Variants in CSNK1D observed in about 807,000 individuals in gnomAD.
CSNK1D encodes the protein casein kinase 1 delta, also known as casein kinase I isoform delta.
In CSNK1D, 16 loss-of-function variants were observed where a neutral mutation model predicts 46.6. The observed-to-expected ratio is 0.34, with a 90% CI of 0.23 to 0.52. The LOEUF is 0.52. Ranked by LOEUF, CSNK1D falls within the 20% of genes least tolerant of loss-of-function variation. The pLI is 0.95. For missense variants in CSNK1D, 398 were observed against 578.4 expected (o/e 0.69, Z 3.20); for synonymous variants, 276 against 228.2 (o/e 1.21, Z -1.89).
chr17:82,245,285 AGGAGCCGCCGAGCGCGC>A (rs2050821289), intron 8 of CSNK1D: 1 of 301,292 alleles, frequency 3.3e-6, no homozygotes, highest in South Asian at 3.2e-5. Context: ...CCCTGCTGGA[AGGAGCCGCCGAGCGCGC>A]GTGGCCGCCG....
At position 82,251,918 on chromosome 17, in the gene CSNK1D, C is replaced by T. The variant is rs2051021351; in HGVS notation, c.737-391G>A. ...CTGACGCAGGAGAATGGTATGAACC[C>T]GGGAGGCGGAGCTTGCAGTGAGCCG... is the stretch of plus-strand genomic sequence containing the variant. On this transcript the variant is annotated intron_variant, in intron 5 of 8. Coordinates refer to ENST00000314028, the MANE Select transcript of CSNK1D (RefSeq NM_001893.6). The surrounding 1 kb of genome is among the most constrained non-coding windows in gnomAD (Gnocchi z 4.5). The T allele has an allele frequency of 1.2e-5, 4 of 329,386 alleles. No homozygotes were observed. Among genetic ancestry groups the T allele is most frequent in the South Asian group, 1.0e-4 (4 of 38,538 alleles). The allele number at this position is 329,386 out of a possible 1,614,324, so 20.4% of individuals were successfully genotyped here.
intron 1 of CSNK1D, among the ~76,000 whole-genome samples, chr17:82,267,419 C>T (rs370792943): frequency 4.6e-5 from 7 of 152,186 alleles, no homozygotes; most frequent in Admixed American, 2.0e-4. Flanking sequence ...GGAAGCCCCT[C>T]GTCTGCCCAG....
downstream of CSNK1D, among the ~76,000 whole-genome samples, chr17:82,240,990 C>T (rs1433477242): frequency 6.6e-6 from 1 of 152,182 alleles, no homozygotes; most frequent in African/African-American, 2.4e-5. Context: ...GGGCAGAGGT[C>T]TGGTGCGTGG....
chr17:82,253,520 C>T (rs2051069126), intron 3 of CSNK1D: 1 of 459,144 alleles, frequency 2.2e-6, no homozygotes, highest in African/African-American at 2.0e-5. Context: ...CAACCCGCCA[C>T]TAGACATCGG....
chr17:82,240,102 C>T (rs1031459685), downstream of CSNK1D: 72 of 1,225,560 alleles, frequency 5.9e-5, no homozygotes, highest in Non-Finnish European at 7.2e-5. Flanking sequence ...ATCTCAGGTC[C>T]AGCTGTCCCC....
intron 8 of CSNK1D, chr17:82,247,932 G>C (rs978183889): frequency 5.1e-6 from 5 of 985,370 alleles, no homozygotes; most frequent in African/African-American, 1.7e-5. Context: ...AAGTGGTCAA[G>C]AGTGCTCCCC....
rs752261109 is a variant in CSNK1D, at chr17:82,247,342, G to A, written c.1197+1533C>T. 7 of 985,442 alleles carry A rather than the reference G, an allele frequency of 7.1e-6. No individual in the cohort carries two copies. The South Asian group carries it at 1.4e-4, about 20-fold the overall frequency. The allele number at this position is 985,442 out of a possible 1,614,324, so 61.0% of individuals were successfully genotyped here. On this transcript the variant is annotated intron_variant, in intron 8 of 8. Coordinates refer to ENST00000314028, the MANE Select transcript of CSNK1D (RefSeq NM_001893.6). ...CCAGGTGCCGCCAAGGCCGTGTACCGAGAAAAGGCAGCTGGACTCAGGGCT... is the reference window on the plus strand; with the variant it reads ...CCAGGTGCCGCCAAGGCCGTGTACCAAGAAAAGGCAGCTGGACTCAGGGCT...
At chr17:82,247,962 T>G (rs4580247) in intron 8 of CSNK1D, 1 of 985,384 alleles carries the variant, frequency 1.0e-6, no homozygotes, top group South Asian at 4.7e-5. Context: ...TGTTCCTGGC[T>G]AGCCAGCTAC....
rs1219729211 is a variant in CSNK1D at position 82,249,354 on chromosome 17, C to T, written c.1057+77G>A. ...CACTTAGTGTCCACCACCAAGTACC[C>T]TGTTGTCCCCACCAACCCCAAGACA... On this transcript the variant is annotated intron_variant, in intron 7 of 8. Transcript: ENST00000314028. This position sits in a 1 kb window ranked among gnomAD's most constrained non-coding sequence, Gnocchi z 6.7. 7 of 1,402,022 alleles carry T rather than the reference C, an allele frequency of 5.0e-6. No individual in the cohort carries two copies. The highest frequency in any genetic ancestry group is 6.8e-6 in the Non-Finnish European group (7 of 1,025,898). The allele number at this position is 1,402,022 out of a possible 1,614,324, so 86.8% of individuals were successfully genotyped here.
chr17:82,248,210 C>A lies in CSNK1D; in HGVS notation c.1197+665G>T. ...ACTATTTGAAGAAATATAATGGATC[C>A]ATATGGAGAAAGCTGTTCTAGTTCA... On this transcript the variant is annotated intron_variant, in intron 8 of 8. Coordinates refer to ENST00000314028, the MANE Select transcript of CSNK1D (RefSeq NM_001893.6). The surrounding 1 kb of genome is among the most constrained non-coding windows in gnomAD (Gnocchi z 4.1). 2.0e-6 allele frequency: 2 copies of A among 985,674 alleles called. No homozygotes were observed. The highest frequency in any genetic ancestry group is 2.4e-6 in the Non-Finnish European group (2 of 830,092). The allele number at this position is 985,674 out of a possible 1,614,324, so 61.1% of individuals were successfully genotyped here.
chr17:82,245,668 G>A lies in CSNK1D; in HGVS notation c.1198-837C>T, dbSNP rs780678501. 1.3e-4 allele frequency: 54 copies of A among 405,640 alleles called. 1 individual carries two copies. The highest frequency in any genetic ancestry group is 5.3e-4 in the South Asian group (23 of 43,634). The allele number at this position is 405,640 out of a possible 1,614,324, so 25.1% of individuals were successfully genotyped here. ...ACCCGCCTTGCCACTCCTGCCTCACGGGTGGGCACCCAGGACAGGAGGAGA... is the reference window on the plus strand; with the variant it reads ...ACCCGCCTTGCCACTCCTGCCTCACAGGTGGGCACCCAGGACAGGAGGAGA... On this transcript the variant is annotated intron_variant, in intron 8 of 8. Coordinates refer to ENST00000314028, the MANE Select transcript of CSNK1D (RefSeq NM_001893.6).
intron 1 of CSNK1D, chr17:82,266,956 AGCCTGAGGCAG>A (rs1456418134): frequency 6.6e-6 from 1 of 150,522 alleles, no homozygotes; most frequent in African/African-American, 2.4e-5. Context: ...GCTACTTGGG[AGCCTGAGGCAG>A]GAGAATGGCG....
intron 8 of CSNK1D, chr17:82,245,668 G>C (rs780678501): frequency 1.7e-5 from 7 of 405,640 alleles, no homozygotes; most frequent in African/African-American, 1.4e-4. Context: ...CCTGCCTCAC[G>C]GGTGGGCACC....
In CSNK1D at chr17:82,265,551, G is replaced by A. The variant is rs1599614697; in HGVS notation, c.187+135C>T. Reference sequence around the variant, plus strand: ...CTCTGAAGGAAGCTGTGACTGCTTTGTCAGGGTGTGGAGAACACTTCCCTC... The same window carrying A: ...CTCTGAAGGAAGCTGTGACTGCTTTATCAGGGTGTGGAGAACACTTCCCTC... On this transcript the variant is annotated intron_variant, in intron 2 of 8. Coordinates refer to ENST00000314028, the MANE Select transcript of CSNK1D (RefSeq NM_001893.6). The A allele has an allele frequency of 3.4e-5, 25 of 735,882 alleles. No individual in the cohort carries two copies. In the East Asian group the frequency reaches 6.4e-4, roughly 19 times the overall value. 45.6% of individuals were successfully genotyped at this position (735,882 alleles called of 1,614,324 possible). A position where few individuals can be genotyped will look rare whatever the true frequency, so the allele number is the denominator to read the frequency against.
In CSNK1D at chr17:82,251,660, T is replaced by C. The variant is rs995727440; in HGVS notation, c.737-133A>G. Reference sequence around the variant, plus strand: ...GGACAGATGCAAAACACCTGTCAGATTTCTAAGACCTGAAGCCTTGAGAAA... The same window carrying C: ...GGACAGATGCAAAACACCTGTCAGACTTCTAAGACCTGAAGCCTTGAGAAA... On this transcript the variant is annotated intron_variant, in intron 5 of 8. Transcript: ENST00000314028. The surrounding 1 kb of genome is among the most constrained non-coding windows in gnomAD (Gnocchi z 4.5). 9 of 937,068 alleles carry C rather than the reference T, an allele frequency of 9.6e-6. No individual in the cohort carries two copies. The East Asian group carries it at 1.8e-4, about 19-fold the overall frequency. The allele number at this position is 937,068 out of a possible 1,614,324, so 58.0% of individuals were successfully genotyped here.
intron 8 of CSNK1D, chr17:82,245,202 C>T (rs144095634): frequency 1.3e-4 from 57 of 435,566 alleles, no homozygotes; most frequent in South Asian, 7.8e-4. Context: ...CCTGTCAACA[C>T]ATTTCCAGAG....
chr17:82,256,420 A>C (rs2051176325), intron 2 of CSNK1D, among the ~76,000 whole-genome samples: 2 of 151,912 alleles, frequency 1.3e-5, no homozygotes, highest in Admixed American at 6.6e-5. Flanking sequence ...GGCTGAGGCA[A>C]GAGGATCACT....
intron 2 of CSNK1D, among the ~76,000 whole-genome samples, chr17:82,261,871 G>A (rs528309380): frequency 9.2e-5 from 14 of 152,292 alleles, no homozygotes; most frequent in Admixed American, 7.8e-4. Flanking sequence ...CCACTGGCCC[G>A]GGTTCTACAC....
intron 2 of CSNK1D, among the ~76,000 whole-genome samples, chr17:82,257,606 A>G (rs1008651718): frequency 2.0e-5 from 3 of 152,246 alleles, no homozygotes; most frequent in Non-Finnish European, 4.4e-5. Context: ...CAGCCGTGCC[A>G]GCCAGTGACA....
Sources: gnomAD v4.1 joint callset for allele counts (sites outside exome capture counted in the v4.1 genomes callset) on GRCh38, gnomAD v4.1.1 for gene constraint, Gnocchi (gnomAD v3.1) non-coding constraint, MANE v1.5 for transcripts, NCBI Gene and HGNC (gene_info 2026-07-23, HGNC 2026-07-21) for gene names.